The following UGT2A1 variants were observed in gnomAD, a reference collection of about 807,000 sequenced individuals.
UGT2A1 encodes the protein UDP-glucuronosyltransferase 2A1.
In UGT2A1, 61 loss-of-function variants were observed where a neutral mutation model predicts 45.4. The observed-to-expected ratio is 1.34, with a 90% CI of 1.09 to 1.66. The LOEUF is 1.66. Ranked by LOEUF, UGT2A1 falls within the 40% of genes most tolerant of loss-of-function variation. The probability of loss-of-function intolerance (pLI) is 0.00; values close to 1 mark genes in which losing one functional copy is unlikely to be tolerated. For synonymous variants in UGT2A1, 229 were observed against 196.2 expected (o/e 1.17, Z -1.40); for missense variants, 649 against 574.3 (o/e 1.13, Z -1.33).
At chr4:69,644,804 AC>A (rs1186847455) in intron 2 of UGT2A1, among the ~76,000 whole-genome samples, 1 of 151,800 alleles carries the variant, frequency 6.6e-6, no homozygotes, top group Non-Finnish European at 1.5e-5. Flanking sequence ...TAATTGGTTT[AC>A]CAGCTTTTGA....
In UGT2A1 at chr4:69,647,175, T is replaced by C; in HGVS notation, c.470A>G (p.Asp157Gly). 6.2e-7 allele frequency: 1 copy of C among 1,613,124 alleles called. No homozygotes were observed. Among genetic ancestry groups the C allele is most frequent in the Non-Finnish European group, 8.5e-7 (1 of 1,179,444 alleles). Residue 157 changes from aspartate (D) to glycine (G), a missense_variant, in exon 2 of 7, where the codon GAT becomes GGT. By Grantham distance (94) the Asp-to-Gly change is moderately conservative. Coordinates refer to ENST00000286604, the MANE Select transcript of UGT2A1 (RefSeq NM_001252275.3). Reference sequence around the variant, plus strand: ...AATTCCAAGTTTTAAAGCTACTATATCGCCACAAGGAAATACTGGATCAGA... The same window carrying C: ...AATTCCAAGTTTTAAAGCTACTATACCGCCACAAGGAAATACTGGATCAGA... ...LVSDPVFPCGDIVALKLGIPF... is the reference protein window; with the variant it reads ...LVSDPVFPCGGIVALKLGIPF...
At chr4:69,595,122 A>C (rs373408682) in intron 5 of UGT2A1, 40 bp downstream of exon 5, 3 of 1,610,130 alleles carry the variant, frequency 1.9e-6, no homozygotes, top group Non-Finnish European at 1.7e-6. Context: ...TAACTTGTCT[A>C]TTGTCCCACT....
chr4:69,609,941 T>G (rs1197792556), intron 3 of UGT2A1, among the ~76,000 whole-genome samples: 1 of 152,176 alleles, frequency 6.6e-6, no homozygotes, highest in African/African-American at 2.4e-5. Flanking sequence ...AAGTAGAAAT[T>G]CTACATATGT....
At chr4:69,637,703 T>C (rs937720216) in intron 2 of UGT2A1, among the ~76,000 whole-genome samples, 3 of 152,080 alleles carry the variant, frequency 2.0e-5, no homozygotes, top group Non-Finnish European at 2.9e-5. Flanking sequence ...AATTTATATA[T>C]TTATTTTATT....
At chr4:69,649,611 G>A (rs1042047587) in intron 1 of UGT2A1, among the ~76,000 whole-genome samples, 10 of 152,084 alleles carry the variant, frequency 6.6e-5, no homozygotes, top group Admixed American at 4.6e-4. Context: ...GCCTGAAGCT[G>A]CACAACCTTC....
At chr4:69,651,960 T>C (rs530987301) in intron 1 of UGT2A1, among the ~76,000 whole-genome samples, 1 of 152,294 alleles carries the variant, frequency 6.6e-6, no homozygotes, top group South Asian at 2.1e-4. Context: ...GGATCGAGGT[T>C]AAACGGGGCA....
chr4:69,640,747 CAA>C (rs1425371903), intron 2 of UGT2A1, among the ~76,000 whole-genome samples: 2 of 151,800 alleles, frequency 1.3e-5, no homozygotes, highest in Non-Finnish European at 2.9e-5. Flanking sequence ...ACAGGAAAGA[CAA>C]GAGAGAGAAG....
intron 2 of UGT2A1, among the ~76,000 whole-genome samples, chr4:69,644,098 G>T (rs1722152705): frequency 6.6e-6 from 1 of 151,580 alleles, no homozygotes; most frequent in Admixed American, 6.6e-5. Flanking sequence ...TCAGAAACAT[G>T]ATATATCAAA....
intron 3 of UGT2A1, among the ~76,000 whole-genome samples, chr4:69,633,011 A>G (rs1721473327): frequency 6.6e-6 from 1 of 152,140 alleles, no homozygotes; most frequent in African/African-American, 2.4e-5. Context: ...CATGATGTTA[A>G]AGTTGAAATG....
Position 69,639,561 on chromosome 4 carries a change from A to G in UGT2A1, c.716-3739T>C. On this transcript the variant is annotated intron_variant, in intron 2 of 6. Coordinates refer to ENST00000286604, the MANE Select transcript of UGT2A1 (RefSeq NM_001252275.3). ...CCAAATTAACACATTCCCACTTAGA[A>G]CAACTTCAGTCAGAGTCAAATTAAA... The G allele has an allele frequency of 1.2e-6, 2 of 1,612,594 alleles. No homozygotes were observed. Among genetic ancestry groups the G allele is most frequent in the East Asian group, 4.5e-5 (2 of 44,840 alleles).
chr4:69,594,649 T>A lies in UGT2A1; in HGVS notation c.1132A>T (p.Ile378Phe). ...ACTCCGTGGTAAATAGCTTCGTAGA[T>A]CCCATTAGTTCCACCATGAGTGATA... ...AFITHGGTNG[I>F]YEAIYHGVPM... Residue 378 changes from isoleucine (I) to phenylalanine (F), a missense_variant, in exon 6 of 7, where the codon ATC becomes TTC. Physicochemically the swap from Ile to Phe is conservative, Grantham distance 21. Coordinates refer to ENST00000286604, the MANE Select transcript of UGT2A1 (RefSeq NM_001252275.3). 1 of 1,614,084 alleles carries A rather than the reference T, an allele frequency of 6.2e-7. No individual in the cohort carries two copies.
At chr4:69,619,420 CATAAAATAAA>C (rs146525091) in intron 3 of UGT2A1, among the ~76,000 whole-genome samples, 31 of 149,292 alleles carry the variant, frequency 2.1e-4, no homozygotes, top group Non-Finnish European at 4.0e-4. Context: ...TACATAAATA[CATAAAATAAA>C]ATAAAATAAA....
intron 3 of UGT2A1, among the ~76,000 whole-genome samples, chr4:69,627,356 T>C (rs1242859724): frequency 6.6e-6 from 1 of 151,824 alleles, no homozygotes; most frequent in Non-Finnish European, 1.5e-5. Context: ...ACTACTAGAC[T>C]CATATCACAT....
intron 3 of UGT2A1, among the ~76,000 whole-genome samples, chr4:69,629,967 T>G (rs933828517): frequency 1.3e-5 from 2 of 152,092 alleles, no homozygotes; most frequent in East Asian, 3.8e-4. Flanking sequence ...AAAATATTTT[T>G]TCCTTAATCT....
rs370915810 is a variant in UGT2A1 at position 69,595,151 on chromosome 4, C to T, written c.1084+11G>A. 1.9e-6 allele frequency: 3 copies of T among 1,613,702 alleles called. No homozygotes were observed. Among genetic ancestry groups the T allele is most frequent in the Non-Finnish European group, 1.7e-6 (2 of 1,179,816 alleles). On this transcript the variant is annotated intron_variant, in intron 5 of 6. Transcript: ENST00000286604. ...TCCCACTGTACAGCTTTTCTTTCCC[C>T]ACAGTCTTACCAAGAAGATCATTCT...
intron 4 of UGT2A1, among the ~76,000 whole-genome samples, chr4:69,596,561 C>T (rs1353401992): frequency 3.3e-5 from 5 of 152,194 alleles, no homozygotes; most frequent in Admixed American, 1.3e-4. Flanking sequence ...CTCGCTCTGT[C>T]GCCCAGGCTG....
chr4:69,646,334 A>G (rs1442649345), intron 2 of UGT2A1, among the ~76,000 whole-genome samples: 2 of 151,910 alleles, frequency 1.3e-5, no homozygotes, highest in Non-Finnish European at 2.9e-5. Flanking sequence ...ACCATTGATT[A>G]TATTGTATTC....
intron 3 of UGT2A1, among the ~76,000 whole-genome samples, chr4:69,603,128 T>C (rs1449898897): frequency 7.3e-6 from 1 of 136,546 alleles, no homozygotes; most frequent in Non-Finnish European, 1.6e-5. Flanking sequence ...AATCACAAGT[T>C]TCATAAACCT....
intron 4 of UGT2A1, among the ~76,000 whole-genome samples, chr4:69,596,782 A>G (rs1485747305): frequency 4.6e-5 from 7 of 152,204 alleles, no homozygotes; most frequent in Non-Finnish European, 5.9e-5. Context: ...TTGGTCTCCC[A>G]AAGTGCTGGA....
Sources: gnomAD v4.1 joint callset for allele counts (sites outside exome capture counted in the v4.1 genomes callset) on GRCh38, gnomAD v4.1.1 for gene constraint, MANE v1.5 for transcripts, NCBI Gene and HGNC (gene_info 2026-07-23, HGNC 2026-07-21) for gene names.